MYL4: variants seen among roughly 807,000 people sequenced by gnomAD.
The protein encoded by MYL4 is atrial myosin light chain 1.
Under a neutral mutation model 21.6 loss-of-function variants are expected in MYL4, and 16 were observed. The observed-to-expected ratio is 0.74, with a 90% CI of 0.50 to 1.12. The LOEUF is 1.12. Ranked by LOEUF, MYL4 falls within the 50% of genes most tolerant of loss-of-function variation. MYL4 has a pLI of 0.00. For missense variants in MYL4, 249 were observed against 252.9 expected, an observed-to-expected ratio of 0.98 and a Z score of 0.11; for synonymous variants, 82 against 95.7, an observed-to-expected ratio of 0.86 and a Z score of 0.83.
chr17:47,227,326 C>T (rs1053354806), downstream of MYL4, among the ~76,000 whole-genome samples: 1 of 152,178 alleles, frequency 6.6e-6, no homozygotes, highest in Non-Finnish European at 1.5e-5. Flanking sequence ...GGCACTTGCC[C>T]CTCCTGGGAA....
At chr17:47,219,075 A>T (rs1217402478) in intron 2 of MYL4, among the ~76,000 whole-genome samples, 4 of 152,352 alleles carry the variant, frequency 2.6e-5, no homozygotes, top group Non-Finnish European at 5.9e-5. Context: ...AGAGCTAGGA[A>T]AATGAGGGCC....
Position 47,221,770 on chromosome 17 carries a change from C to T in MYL4, c.402C>T (p.Asp134=), listed in dbSNP as rs1435204535. 3.1e-6 allele frequency: 5 copies of T among 1,614,200 alleles called. No individual in the cohort carries two copies. The highest frequency in any genetic ancestry group is 4.2e-6 in the Non-Finnish European group (5 of 1,180,034). The change falls in exon 4 of 7, where the codon GAC becomes GAT. Residue 134 remains aspartate, a synonymous_variant. Coordinates refer to ENST00000393450, the MANE Select transcript of MYL4 (RefSeq NM_002476.2). ...SRNKEQGTYE[D]FVEGLRVFDK... is the part of the protein sequence containing the mutation. ...ACAAGGAGCAGGGCACCTATGAGGA[C>T]TTCGTGGAGGGCCTGCGTGTCTTTG... is the stretch of plus-strand genomic sequence containing the variant.
At chr17:47,208,253 G>A (rs948114344), upstream of MYL4, among the ~76,000 whole-genome samples, 7 of 151,820 alleles carry the variant, frequency 4.6e-5, no homozygotes, top group African/African-American at 1.7e-4. Flanking sequence ...CATCTCTACT[G>A]AAAAACAAAA....
chr17:47,201,277 G>A (rs2064708346), intron 1 of MYL4, among the ~76,000 whole-genome samples: 1 of 152,004 alleles, frequency 6.6e-6, no homozygotes, highest in South Asian at 2.1e-4. Flanking sequence ...CATTTTTGGT[G>A]TTCTGGGCCT....
intron 2 of MYL4, among the ~76,000 whole-genome samples, chr17:47,218,992 T>C (rs1339385349): frequency 6.6e-6 from 1 of 152,188 alleles, no homozygotes; most frequent in Non-Finnish European, 1.5e-5. Flanking sequence ...TCCCTTACCA[T>C]ATGCTGAACA....
chr17:47,206,708 A>G (rs756176328), upstream of MYL4, among the ~76,000 whole-genome samples: 3 of 152,158 alleles, frequency 2.0e-5, no homozygotes, highest in Non-Finnish European at 4.4e-5. Flanking sequence ...TCTGTTGAAC[A>G]TGGTTTGAAA....
At chr17:47,213,778 C>G in intron 1 of MYL4, 21 bp from the exon 2 acceptor site, 1 of 1,613,972 alleles carries the variant, frequency 6.2e-7, no homozygotes, top group African/African-American at 1.3e-5. Flanking sequence ...CAAGCCCTCA[C>G]TACTATTTCC....
intron 1 of MYL4, among the ~76,000 whole-genome samples, chr17:47,211,958 C>T (rs934548470): frequency 3.9e-5 from 6 of 152,164 alleles, no homozygotes; most frequent in African/African-American, 9.7e-5. Context: ...GGTGTGGTGG[C>T]TCACGCCTGT....
chr17:47,223,188 A>G, intron 6 of MYL4, 131 bp downstream of exon 6: 1 of 880,784 alleles, frequency 1.1e-6, no homozygotes, highest in Non-Finnish European at 1.8e-6. Flanking sequence ...TCAGGAAGTG[A>G]GGACAGCCCT....
At chr17:47,189,582 A>C in the MYL4 span, among the ~76,000 whole-genome samples, 1 of 152,280 alleles carries the variant, frequency 6.6e-6, no homozygotes, top group Non-Finnish European at 1.5e-5. Flanking sequence ...GTGGCGTGAC[A>C]GCGCGGGCGG....
At chr17:47,203,781 C>T (rs1425837371) in intron 1 of MYL4, among the ~76,000 whole-genome samples, 2 of 152,146 alleles carry the variant, frequency 1.3e-5, no homozygotes, top group Non-Finnish European at 2.9e-5. Flanking sequence ...CATACTAGTG[C>T]CATTGAGCTT....
intron 1 of MYL4, 21 bp downstream of exon 1, chr17:47,209,578 G>C: frequency 6.2e-7 from 1 of 1,614,212 alleles, no homozygotes; most frequent in South Asian, 1.1e-5. Flanking sequence ...CTCAGCCATT[G>C]GGATAGAGGT....
chr17:47,192,148 C>T, the MYL4 span, among the ~76,000 whole-genome samples: 6 of 151,796 alleles, frequency 4.0e-5, no homozygotes, highest in South Asian at 2.1e-4. Context: ...TGAGGTCAGG[C>T]GTTCCAGACC....
chr17:47,189,450 G>A, the MYL4 span: 1 of 543,102 alleles, frequency 1.8e-6, no homozygotes. Context: ...ATTACCGGAA[G>A]CTACCGAGTC....
downstream of MYL4, among the ~76,000 whole-genome samples, chr17:47,226,797 G>A (rs572363744): frequency 2.0e-5 from 3 of 152,198 alleles, no homozygotes; most frequent in African/African-American, 4.8e-5. Context: ...CTAAGATGCT[G>A]CTCCGGCTCA....
the MYL4 span, among the ~76,000 whole-genome samples, chr17:47,195,080 CAG>C: frequency 8.4e-6 from 1 of 118,632 alleles, no homozygotes; most frequent in Non-Finnish European, 1.7e-5. Flanking sequence ...TTTTTTGAGA[CAG>C]AGTCTCACTG....
intron 1 of MYL4, chr17:47,209,763 G>A: frequency 1.4e-6 from 1 of 716,568 alleles, no homozygotes; most frequent in South Asian, 1.8e-5. Context: ...CGTCAAGAAT[G>A]AGGTGCTGCT....
At chr17:47,223,187 G>A in intron 6 of MYL4, 130 bp downstream of exon 6, 1 of 906,694 alleles carries the variant, frequency 1.1e-6, no homozygotes, top group Non-Finnish European at 1.7e-6. Context: ...ATCAGGAAGT[G>A]AGGACAGCCC....
the MYL4 span, among the ~76,000 whole-genome samples, chr17:47,193,535 T>C: frequency 2.0e-5 from 3 of 152,102 alleles, no homozygotes; most frequent in African/African-American, 7.2e-5. Flanking sequence ...TCCAAAATGC[T>C]GGGATTACAG....
Sources: gnomAD v4.1 joint callset for allele counts (sites outside exome capture counted in the v4.1 genomes callset) on GRCh38, gnomAD v4.1.1 for gene constraint, MANE v1.5 for transcripts, NCBI Gene and HGNC (gene_info 2026-07-23, HGNC 2026-07-21) for gene names.